DDX31: variants seen among roughly 807,000 people sequenced by gnomAD.
The protein encoded by DDX31 is DEAD-box helicase 31, also known as ATP-dependent DNA helicase DDX31.
In DDX31, 70 loss-of-function variants were observed where a neutral mutation model predicts 91.3. That is an observed-to-expected ratio of 0.77 (90% CI 0.63 to 0.94). DDX31 has a LOEUF of 0.94. Ranked by LOEUF, DDX31 falls within the 40% of genes least tolerant of loss-of-function variation. The pLI is 0.00. For missense variants in DDX31, 902 were observed against 925.0 expected (o/e 0.98, Z 0.32); for synonymous variants, 362 against 350.6 (o/e 1.03, Z -0.36).
At chr9:132,668,694 A>C (rs1459796345) in intron 1 of DDX31, among the ~76,000 whole-genome samples, 1 of 151,614 alleles carries the variant, frequency 6.6e-6, no homozygotes, top group African/African-American at 2.4e-5. Flanking sequence ...CAGCCTCCCG[A>C]GTAGCTGGGA....
At chr9:132,666,519 T>A (rs895813022) in intron 1 of DDX31, among the ~76,000 whole-genome samples, 2 of 129,686 alleles carry the variant, frequency 1.5e-5, no homozygotes, top group Non-Finnish European at 3.2e-5. Context: ...ATATCAGAAA[T>A]TTTTTTTTGT....
At chr9:132,615,799 A>T (rs1386273565) in intron 18 of DDX31, among the ~76,000 whole-genome samples, 1 of 152,220 alleles carries the variant, frequency 6.6e-6, no homozygotes, top group Non-Finnish European at 1.5e-5. Context: ...AGAGGAAAAA[A>T]GGGGTAACTG....
At chr9:132,611,064 G>A (rs1831307503) in intron 19 of DDX31, among the ~76,000 whole-genome samples, 1 of 152,198 alleles carries the variant, frequency 6.6e-6, no homozygotes, top group African/African-American at 2.4e-5. Context: ...GCACAGAGTG[G>A]TCCTTCCCGG....
At chr9:132,630,237 G>T in intron 16 of DDX31, 27 bp downstream of exon 16, 2 of 1,559,248 alleles carry the variant, frequency 1.3e-6, no homozygotes, top group Non-Finnish European at 8.8e-7. Flanking sequence ...GAGACCAGCC[G>T]AAACCCCATT....
intron 1 of DDX31, chr9:132,663,277 A>C: frequency 3.1e-6 from 4 of 1,289,202 alleles, no homozygotes; most frequent in Non-Finnish European, 3.0e-6. Flanking sequence ...CTGCTCCTCC[A>C]GATTCAGACG....
chr9:132,644,595 T>C (rs956469035), intron 13 of DDX31, among the ~76,000 whole-genome samples: 4 of 152,212 alleles, frequency 2.6e-5, no homozygotes, highest in African/African-American at 7.2e-5. Context: ...CTCTGTATAA[T>C]GAAGCTATAG....
Position 132,618,432 on chromosome 9 carries a change from C to T in DDX31, c.1723G>A (p.Ala575Thr). ...TCTCGGATTTCCTGGGGGCCAACAG[C>T]ATGGGATTTCTGAGAGGGCGACGGA... ...GKRWGAQKSH[A>T]VGPQEIRERA... The change falls in exon 18 of 20, where the codon GCT becomes ACT. Residue 575 changes from alanine to threonine, a missense_variant. Coordinates refer to ENST00000372159, the MANE Select transcript of DDX31 (RefSeq NM_022779.9). 6.2e-7 allele frequency: 1 copy of T among 1,609,980 alleles called. No individual in the cohort carries two copies. The highest frequency in any genetic ancestry group is 8.5e-7 in the Non-Finnish European group (1 of 1,178,208).
chr9:132,596,516 T>C (rs1411148653), intron 19 of DDX31, among the ~76,000 whole-genome samples: 2 of 152,166 alleles, frequency 1.3e-5, no homozygotes, highest in African/African-American at 4.8e-5. Context: ...AGATTAGAAG[T>C]ATACAGGGAA....
rs78232876 is a variant in DDX31 at position 132,647,649 on chromosome 9, A to G, written c.967+540T>C. On this transcript the variant is annotated intron_variant, in intron 11 of 19. Coordinates refer to ENST00000372159, the MANE Select transcript of DDX31 (RefSeq NM_022779.9). ...AACGTGAAAGCTGCACTGCTGGTCA[A>G]TGACTCACTGTGTGGGGTGGATCTG... Among the ~76,000 whole-genome samples, 694 of 152,322 alleles carry G rather than the reference A, an allele frequency of 4.6e-3. 5 individuals carry two copies. The highest frequency in any genetic ancestry group is 0.016 in the African/African-American group (661 of 41,570).
chr9:132,631,464 A>C (rs1832713202), intron 15 of DDX31, among the ~76,000 whole-genome samples: 3 of 152,192 alleles, frequency 2.0e-5, no homozygotes, highest in Non-Finnish European at 4.4e-5. Context: ...AAATGTGAAT[A>C]AACCATGACT....
chr9:132,613,802 AC>A (rs1216955492), intron 18 of DDX31, among the ~76,000 whole-genome samples: 6 of 152,208 alleles, frequency 3.9e-5, no homozygotes, highest in African/African-American at 1.4e-4. Context: ...GCTTTGGTCT[AC>A]TTAACTAGGC....
chr9:132,635,061 T>G (rs958943451), intron 14 of DDX31, among the ~76,000 whole-genome samples: 2 of 152,166 alleles, frequency 1.3e-5, no homozygotes, highest in Non-Finnish European at 2.9e-5. Context: ...ACTGGATTTG[T>G]CTAACTGCTT....
At chr9:132,601,107 C>T (rs1830697983) in intron 19 of DDX31, among the ~76,000 whole-genome samples, 1 of 152,132 alleles carries the variant, frequency 6.6e-6, no homozygotes, top group Non-Finnish European at 1.5e-5. Flanking sequence ...GAATCCCAGC[C>T]CCACACCCCA....
rs1833863918 is a variant in DDX31 at position 132,646,764 on chromosome 9, A to T, written c.1203+59T>A. Reference sequence around the variant, plus strand: ...CTCAACTCATTGCTCCCAATGGCTTAACACAAGAAAGCAGGCCTTTCTTCC... The same window carrying T: ...CTCAACTCATTGCTCCCAATGGCTTTACACAAGAAAGCAGGCCTTTCTTCC... On this transcript the variant is annotated intron_variant, in intron 12 of 19. Transcript: ENST00000372159. 42 of 1,552,526 alleles carry T rather than the reference A, an allele frequency of 2.7e-5. No individual in the cohort carries two copies. In the South Asian group the frequency reaches 4.7e-4, roughly 17 times the overall value.
intron 13 of DDX31, among the ~76,000 whole-genome samples, chr9:132,644,575 G>C (rs1339201924): frequency 1.3e-5 from 2 of 152,208 alleles, no homozygotes; most frequent in African/African-American, 4.8e-5. Context: ...TACAAAGTGA[G>C]ATGAACAGCC....
At position 132,618,370 on chromosome 9, in the gene DDX31, G is replaced by A. The variant is rs143590944; in HGVS notation, c.1785C>T (p.Tyr595=). Residue 595 remains tyrosine, a synonymous_variant, in exon 18 of 20, where the codon TAC becomes TAT. Transcript: ENST00000372159. ...AGACCCTCCTCTCACTGGAGTGCAC[G>A]TAATCTTCAAATACCGTCTGCAAGA... ...ATVLQTVFED[Y]VHSSERRVSW... is the part of the protein sequence containing the mutation. 4.7e-5 allele frequency: 76 copies of A among 1,611,798 alleles called. No individual in the cohort carries two copies. The highest frequency in any genetic ancestry group is 2.8e-4 in the African/African-American group (21 of 74,864).
chr9:132,643,827 C>T (rs995577184), intron 13 of DDX31, among the ~76,000 whole-genome samples: 6 of 151,744 alleles, frequency 4.0e-5, no homozygotes, highest in Non-Finnish European at 7.4e-5. Flanking sequence ...TTAATGGCTG[C>T]ATCGTAGAAT....
At chr9:132,659,599 C>A (rs376208342) in intron 5 of DDX31, 111 bp downstream of exon 5, 2 of 1,040,582 alleles carry the variant, frequency 1.9e-6, no homozygotes, top group East Asian at 2.6e-5. Context: ...CTCCCTCCCC[C>A]AAACGAAACA....
chr9:132,631,989 C>T, intron 15 of DDX31, 52 bp downstream of exon 15: 1 of 1,523,378 alleles, frequency 6.6e-7, no homozygotes, highest in East Asian at 2.3e-5. Context: ...TGCATCTACT[C>T]ATGATCATAT....
Sources: allele counts gnomAD v4.1 joint callset (sites outside exome capture counted in the v4.1 genomes callset), GRCh38; gene constraint gnomAD v4.1.1; transcripts MANE v1.5; gene names NCBI Gene and HGNC (gene_info 2026-07-23, HGNC 2026-07-21).